The following RAD50 variants were observed in gnomAD, a reference collection of about 807,000 sequenced individuals.
RAD50 encodes the protein DNA repair protein RAD50.
In RAD50, 132 loss-of-function variants were observed where a neutral mutation model predicts 168.8. That is an observed-to-expected ratio of 0.78 (90% confidence interval 0.68 to 0.90). The LOEUF is 0.90. Among genes scored for constraint, RAD50 ranks in the 40% least tolerant of loss-of-function variants. The probability of loss-of-function intolerance (pLI) is 0.00; values close to 1 mark genes in which losing one functional copy is unlikely to be tolerated. For missense variants in RAD50, 1,347 were observed against 1,534.4 expected (o/e 0.88, Z 2.04); for synonymous variants, 525 against 497.4 (o/e 1.06, Z -0.74).
At chr5:132,581,339 C>T (rs924489451) in intron 5 of RAD50, among the ~76,000 whole-genome samples, 7 of 152,040 alleles carry the variant, frequency 4.6e-5, no homozygotes, top group Non-Finnish European at 1.0e-4. Context: ...AGGCTGGTCG[C>T]GAACTCCCGA....
chr5:132,575,783 C>G lies in RAD50; in HGVS notation c.220C>G (p.Gln74Glu), dbSNP rs786201699. 1.3e-6 allele frequency: 2 copies of G among 1,593,840 alleles called. No homozygotes were observed. Among genetic ancestry groups the G allele is most frequent in the African/African-American group, 2.7e-5 (2 of 74,390 alleles). ...TCTGTGTTTTCCTTCAAAGGTTGCT[C>G]AAGAAACAGATGTGAGAGCCCAGAT... ...NTFVHDPKVA[Q>E]ETDVRAQIRL... Residue 74 changes from glutamine (Q) to glutamate (E), a missense_variant, in exon 3 of 25, where the codon CAA becomes GAA. By Grantham distance (29) the Gln-to-Glu change is conservative. This residue lies in a region of RAD50 where 703 missense variants were observed against 767.7 expected (regional missense o/e 0.92). Coordinates refer to ENST00000378823, the MANE Select transcript of RAD50 (RefSeq NM_005732.4).
chr5:132,635,483 G>A lies in RAD50; in HGVS notation c.3390-1632G>A, dbSNP rs368627354. ...ACAGTGGTAGTCATCAACTCCATCC[G>A]ACACACTCTTTGGTGGGTTGAGACC... On this transcript the variant is annotated intron_variant, in intron 21 of 24. Coordinates refer to ENST00000378823, the MANE Select transcript of RAD50 (RefSeq NM_005732.4). Among the ~76,000 whole-genome samples the A allele has an allele frequency of 8.3e-4, 127 of 152,246 alleles. 2 individuals are homozygous for A. The South Asian group carries it at 0.026, about 31-fold the overall frequency.
chr5:132,561,799 C>G (rs369598772), intron 2 of RAD50, among the ~76,000 whole-genome samples: 78 of 152,112 alleles, frequency 5.1e-4, no homozygotes, highest in Non-Finnish European at 1.0e-3. Flanking sequence ...ACCCCACCCC[C>G]GCCAGTTTTG....
At chr5:132,601,989 G>T (rs1750897442) in intron 13 of RAD50, among the ~76,000 whole-genome samples, 1 of 152,074 alleles carries the variant, frequency 6.6e-6, no homozygotes, top group African/African-American at 2.4e-5. Context: ...GCTGGTGGGG[G>T]GCTAGGGGAG....
At chr5:132,570,147 C>A (rs1371851324) in intron 2 of RAD50, among the ~76,000 whole-genome samples, 1 of 152,164 alleles carries the variant, frequency 6.6e-6, no homozygotes, top group East Asian at 1.9e-4. Flanking sequence ...CTGAATAATT[C>A]AGTCCAAAAT....
At chr5:132,583,023 A>T (rs1449822206) in intron 5 of RAD50, among the ~76,000 whole-genome samples, 1 of 152,224 alleles carries the variant, frequency 6.6e-6, no homozygotes, top group African/African-American at 2.4e-5. Context: ...AGAGGCAGTG[A>T]AAACACTGAT....
intron 2 of RAD50, among the ~76,000 whole-genome samples, chr5:132,570,248 G>C (rs1358252835): frequency 6.6e-6 from 1 of 152,044 alleles, no homozygotes; most frequent in African/African-American, 2.4e-5. Context: ...GAATCTATGA[G>C]TTTATACTGA....
chr5:132,603,803 C>G, intron 14 of RAD50, 117 bp from the exon 15 acceptor site: 1 of 1,031,304 alleles, frequency 9.7e-7, no homozygotes, highest in East Asian at 2.6e-5. Flanking sequence ...AAAATTGTAT[C>G]TAGAAATGGT....
intron 21 of RAD50, among the ~76,000 whole-genome samples, chr5:132,621,888 C>T (rs1751292112): frequency 6.6e-6 from 1 of 152,092 alleles, no homozygotes; most frequent in Non-Finnish European, 1.5e-5. Context: ...TTGATATCTT[C>T]CATCAATTTT....
chr5:132,587,452 A>G, intron 5 of RAD50, 110 bp from the exon 6 acceptor site: 1 of 1,475,766 alleles, frequency 6.8e-7, no homozygotes, highest in Non-Finnish European at 9.1e-7. Flanking sequence ...TTAGCCTTAA[A>G]TGAGATCACT....
At chr5:132,604,132 A>C in intron 15 of RAD50, 86 bp downstream of exon 15, 3 of 1,516,856 alleles carry the variant, frequency 2.0e-6, no homozygotes, top group Non-Finnish European at 2.7e-6. Flanking sequence ...TATCTGTTAC[A>C]TGGACAACGA....
intron 9 of RAD50, among the ~76,000 whole-genome samples, chr5:132,590,334 G>T (rs1750675965): frequency 1.3e-5 from 2 of 152,150 alleles, no homozygotes; most frequent in Non-Finnish European, 2.9e-5. Flanking sequence ...GCTGGGCGTG[G>T]TGGCGTGTGC....
intron 10 of RAD50, 143 bp from the exon 11 acceptor site, chr5:132,591,734 G>A: frequency 4.4e-6 from 3 of 675,876 alleles, no homozygotes; most frequent in South Asian, 5.4e-5. Flanking sequence ...AAGACTTTAA[G>A]AACTTTAAGA....
At chr5:132,566,390 T>G (rs1459159006) in intron 2 of RAD50, among the ~76,000 whole-genome samples, 1 of 152,218 alleles carries the variant, frequency 6.6e-6, no homozygotes, top group Non-Finnish European at 1.5e-5. Context: ...CTACTGTGGA[T>G]TAAACCTTCA....
At chr5:132,591,113 G>A (rs564857864) in intron 9 of RAD50, 111 bp from the exon 10 acceptor site, 4 of 1,116,364 alleles carry the variant, frequency 3.6e-6, no homozygotes, top group African/African-American at 3.1e-5. Context: ...GATGCAAACA[G>A]TAATATTTGG....
intron 22 of RAD50, 129 bp from the exon 23 acceptor site, chr5:132,637,952 A>G: frequency 1.8e-6 from 2 of 1,087,178 alleles, no homozygotes; most frequent in Non-Finnish European, 2.7e-6. Flanking sequence ...AAGAGTTTCC[A>G]CACCAGCCAT....
intron 3 of RAD50, among the ~76,000 whole-genome samples, chr5:132,578,278 A>G (rs551917692): frequency 1.2e-4 from 18 of 152,346 alleles, no homozygotes; most frequent in African/African-American, 3.4e-4. Context: ...CCGTCCAGTG[A>G]CAAAAGCCAA....
chr5:132,595,895 T>C (rs1476585446), intron 13 of RAD50, 85 bp downstream of exon 13: 2 of 1,248,520 alleles, frequency 1.6e-6, no homozygotes, highest in Non-Finnish European at 2.3e-6. Flanking sequence ...TGGTAGTTAC[T>C]CAGTAAGGAC....
In RAD50 at chr5:132,609,202, A is replaced by G. The variant is rs1581004729; in HGVS notation, c.2915A>G (p.Tyr972Cys). 1 of 1,610,902 alleles carries G rather than the reference A, an allele frequency of 6.2e-7. No individual in the cohort carries two copies. The highest frequency in any genetic ancestry group is 8.5e-7 in the Non-Finnish European group (1 of 1,178,612). Residue 972 changes from tyrosine (Y) to cysteine (C), a missense_variant, in exon 18 of 25, where the codon TAT becomes TGT. Physicochemically the swap from Tyr to Cys is radical, Grantham distance 194 (BLOSUM62 -2). Around this residue, in one of 3 missense-constraint regions of RAD50, gnomAD observed 635 missense variants for 739.2 expected, o/e 0.86. Coordinates refer to ENST00000378823, the MANE Select transcript of RAD50 (RefSeq NM_005732.4). ...TATATTCAAGATGGGAAAGACGACT[A>G]TAAGAAGGTAATTTAAAACTTAAAA... is the stretch of plus-strand genomic sequence containing the variant. ...ENYIQDGKDD[Y>C]KKQKETELNK...
Sources: allele counts gnomAD v4.1 joint callset (sites outside exome capture counted in the v4.1 genomes callset), GRCh38; gene constraint gnomAD v4.1.1; regional missense constraint gnomAD v4.1.1; transcripts MANE v1.5; gene names NCBI Gene and HGNC (gene_info 2026-07-23, HGNC 2026-07-21).